NKAIN2: variants seen among roughly 807,000 people sequenced by gnomAD.
NKAIN2 encodes the protein sodium/potassium transporting ATPase interacting 2, also known as sodium/potassium-transporting ATPase subunit beta-1-interacting protein 2.
In NKAIN2, 14 loss-of-function variants were observed where a neutral mutation model predicts 32.6. The observed-to-expected ratio is 0.43, with a 90% CI of 0.28 to 0.67. The LOEUF is 0.67. NKAIN2 is among the 30% of genes least tolerant of loss of function. NKAIN2 has a pLI of 0.17. For synonymous variants in NKAIN2, 80 were observed against 87.2 expected (o/e 0.92, Z 0.46); for missense variants, 198 against 258.3 (o/e 0.77, Z 1.60).
chr6:123,834,123 A>G (rs1774509848), intron 1 of NKAIN2, among the ~76,000 whole-genome samples: 1 of 152,054 alleles, frequency 6.6e-6, no homozygotes, highest in African/African-American at 2.4e-5. Flanking sequence ...GCAACTTTGC[A>G]ATAATTCCAT....
chr6:124,390,420 C>T (rs1007950472), intron 3 of NKAIN2, among the ~76,000 whole-genome samples: 13 of 152,054 alleles, frequency 8.5e-5, no homozygotes, highest in East Asian at 1.9e-4. Context: ...GTCTTAATAA[C>T]GTTAACCAGT....
intron 3 of NKAIN2, among the ~76,000 whole-genome samples, chr6:124,410,578 T>C (rs958334711): frequency 3.3e-5 from 5 of 152,334 alleles, no homozygotes; most frequent in Admixed American, 3.3e-4. Flanking sequence ...CTATAATTTC[T>C]GTTCTTTTAC....
chr6:124,658,262 T>C lies in NKAIN2; in HGVS notation c.350T>C (p.Val117Ala). 1.2e-6 allele frequency: 2 copies of C among 1,614,064 alleles called. No individual in the cohort carries two copies. Among genetic ancestry groups the C allele is most frequent in the Non-Finnish European group, 1.7e-6 (2 of 1,179,966 alleles). Residue 117 changes from valine (V) to alanine (A), a missense_variant, in exon 4 of 7, where the codon GTG becomes GCG. Physicochemically the swap from Val to Ala is moderately conservative, Grantham distance 64. Coordinates refer to ENST00000368417, the MANE Select transcript of NKAIN2 (RefSeq NM_001040214.3). ...WWMENGPGCT[V>A]TSVTPAPDWA... ...ATGGAGAATGGACCAGGATGTACGG[T>C]GACGTCAGTGACACCTGCCCCAGAC...
rs77017829 is a variant in NKAIN2, at chr6:124,474,512, G to A, written c.273+119165G>A. ...ACTGGTAGTTGTGCTCAGGATACCT[G>A]TTGTAGTAGTGTGTATGTGCACACA... On this transcript the variant is annotated intron_variant, in intron 3 of 6. Coordinates refer to ENST00000368417, the MANE Select transcript of NKAIN2 (RefSeq NM_001040214.3). 1.5e-3 allele frequency among the ~76,000 whole-genome samples: 230 copies of A among 152,114 alleles called. 1 individual carries two copies. Among genetic ancestry groups the A allele is most frequent in the African/African-American group, 5.4e-3 (222 of 41,494 alleles).
At chr6:124,330,165 T>A (rs2753175) in intron 2 of NKAIN2, among the ~76,000 whole-genome samples, 1 of 152,102 alleles carries the variant, frequency 6.6e-6, no homozygotes, top group Admixed American at 6.5e-5. Flanking sequence ...TGTTACTGAA[T>A]GCCAAGAACT....
intron 1 of NKAIN2, among the ~76,000 whole-genome samples, chr6:123,889,862 A>G (rs1418140912): frequency 6.6e-6 from 1 of 152,136 alleles, no homozygotes; most frequent in Non-Finnish European, 1.5e-5. Flanking sequence ...ATAAAACCAG[A>G]ACATTTAATC....
At chr6:124,081,493 G>A (rs1257371209) in intron 1 of NKAIN2, among the ~76,000 whole-genome samples, 1 of 151,890 alleles carries the variant, frequency 6.6e-6, no homozygotes, top group African/African-American at 2.4e-5. Flanking sequence ...ATTATCTTTA[G>A]AATGTCTAAA....
intron 3 of NKAIN2, among the ~76,000 whole-genome samples, chr6:124,624,901 T>C (rs879634944): frequency 6.6e-6 from 1 of 150,874 alleles, no homozygotes; most frequent in East Asian, 1.9e-4. Context: ...TTCTCACTGG[T>C]TCTTTTAAAT....
At chr6:124,016,134 A>T (rs1311023866) in intron 1 of NKAIN2, among the ~76,000 whole-genome samples, 5 of 152,156 alleles carry the variant, frequency 3.3e-5, no homozygotes, top group Non-Finnish European at 5.9e-5. Context: ...ATGGAGTAAA[A>T]AGTGCCAATA....
chr6:124,652,233 A>G (rs1784393030), intron 3 of NKAIN2, among the ~76,000 whole-genome samples: 2 of 152,282 alleles, frequency 1.3e-5, no homozygotes, highest in South Asian at 4.1e-4. Context: ...TCCAGTTTCC[A>G]AAAAGATGTT....
chr6:124,529,016 C>G (rs1443740160), intron 3 of NKAIN2, among the ~76,000 whole-genome samples: 3 of 152,174 alleles, frequency 2.0e-5, no homozygotes, highest in African/African-American at 4.8e-5. Flanking sequence ...CCCCTCTATA[C>G]TAAAACATGT....
chr6:124,048,889 T>C lies in NKAIN2; in HGVS notation c.55-234116T>C, dbSNP rs570682436. Among the ~76,000 whole-genome samples, 23 of 152,210 alleles carry C rather than the reference T, an allele frequency of 1.5e-4. No homozygotes were observed. The East Asian group carries it at 4.5e-3, about 30-fold the overall frequency. On this transcript the variant is annotated intron_variant, in intron 1 of 6. Coordinates refer to ENST00000368417, the MANE Select transcript of NKAIN2 (RefSeq NM_001040214.3). ...TTAGGTCTTTTTGGGTCTCTATTGA[T>C]CATTAAAGGCTGGAACATTTAATAA...
intron 1 of NKAIN2, among the ~76,000 whole-genome samples, chr6:124,244,946 C>T (rs1793315322): frequency 6.6e-6 from 1 of 152,010 alleles, no homozygotes; most frequent in South Asian, 2.1e-4. Context: ...AGAAATTTTG[C>T]TCAGTATTTT....
chr6:124,093,060 T>C, intron 1 of NKAIN2, among the ~76,000 whole-genome samples: 1 of 152,126 alleles, frequency 6.6e-6, no homozygotes, highest in East Asian at 1.9e-4. Context: ...TTAAATGTTA[T>C]AAATGTTGTA....
chr6:124,258,268 C>G (rs2114833177), intron 1 of NKAIN2, among the ~76,000 whole-genome samples: 1 of 152,196 alleles, frequency 6.6e-6, no homozygotes, highest in East Asian at 1.9e-4. Flanking sequence ...TCACACAACT[C>G]TGTAGATTTG....
intron 1 of NKAIN2, among the ~76,000 whole-genome samples, chr6:123,911,801 G>GTATATATGTATATATATA: frequency 1.7e-5 from 1 of 58,398 alleles, no homozygotes; most frequent in Non-Finnish European, 3.2e-5. Flanking sequence ...ATATATATAT[G>GTATATATGTATATATATA]TATATATATA....
chr6:123,908,331 T>G (rs1487894360), intron 1 of NKAIN2, among the ~76,000 whole-genome samples: 4 of 152,184 alleles, frequency 2.6e-5, no homozygotes, highest in East Asian at 1.9e-4. Flanking sequence ...TGAATAATAT[T>G]TTTACAGAAT....
chr6:124,577,074 C>A (rs939013679), intron 3 of NKAIN2, among the ~76,000 whole-genome samples: 1 of 152,084 alleles, frequency 6.6e-6, no homozygotes, highest in Non-Finnish European at 1.5e-5. Context: ...TACCATCAGA[C>A]TATATCAAGT....
chr6:124,603,869 A>C lies in NKAIN2; in HGVS notation c.274-54317A>C, dbSNP rs1030048536. On this transcript the variant is annotated intron_variant, in intron 3 of 6. Transcript: ENST00000368417. Reference sequence around the variant, plus strand: ...CTGAGCTGAAAAGAACTGTCAATCCAAGATAGTTCTCAGCAAGGTTGGTCT... The same window carrying C: ...CTGAGCTGAAAAGAACTGTCAATCCCAGATAGTTCTCAGCAAGGTTGGTCT... 4.4e-4 allele frequency among the ~76,000 whole-genome samples: 67 copies of C among 151,950 alleles called. 1 individual carries two copies. The highest frequency in any genetic ancestry group is 5.2e-4 in the Non-Finnish European group (35 of 67,916).
Sources: allele counts gnomAD v4.1 joint callset (sites outside exome capture counted in the v4.1 genomes callset), GRCh38; gene constraint gnomAD v4.1.1; transcripts MANE v1.5; gene names NCBI Gene and HGNC (gene_info 2026-07-23, HGNC 2026-07-21).